The following CCDC61 variants were observed in gnomAD, a reference collection of about 807,000 sequenced individuals.
The protein encoded by CCDC61 is coiled-coil domain containing 61, also known as centrosomal protein CCDC61.
CCDC61 carries 55 observed loss-of-function variants against 63.0 expected under a neutral mutation model. That is an observed-to-expected ratio of 0.87 (90% CI 0.70 to 1.09). CCDC61 has a LOEUF of 1.09. Ranked by LOEUF, CCDC61 falls within the 50% of genes least tolerant of loss-of-function variation. The pLI is 0.00. For synonymous variants in CCDC61, 270 were observed against 317.0 expected, an observed-to-expected ratio of 0.85 and a Z score of 1.58; for missense variants, 651 against 731.4, an observed-to-expected ratio of 0.89 and a Z score of 1.27.
Position 46,002,442 on chromosome 19 carries a change from C to CTT in CCDC61, c.-11-555_-11-554dup, listed in dbSNP as rs57823044. 4.1e-3 allele frequency among the ~76,000 whole-genome samples: 595 copies of CTT among 144,840 alleles called. 1 individual carries two copies. Among genetic ancestry groups the CTT allele is most frequent in the South Asian group, 6.6e-3 (30 of 4,570 alleles). ...TGGCCATCATGTATTTCTTTTCTTT[C>CTT]TTTTTTTTTTTTAACTGAGTCAGGG... On this transcript the variant is annotated intron_variant, in intron 1 of 13. Coordinates refer to ENST00000595358, the MANE Select transcript of CCDC61 (RefSeq NM_001267723.2).
At chr19:46,001,940 T>C (rs1968598578) in intron 1 of CCDC61, among the ~76,000 whole-genome samples, 1 of 152,174 alleles carries the variant, frequency 6.6e-6, no homozygotes, top group Non-Finnish European at 1.5e-5. Context: ...TATTTTCTGA[T>C]ATTAGATTTT....
chr19:46,016,441 C>T lies in CCDC61; in HGVS notation c.1091+48C>T, dbSNP rs200500215. The T allele has an allele frequency of 4.6e-5, 74 of 1,595,648 alleles. No homozygotes were observed. The African/African-American group carries it at 8.4e-4, about 18-fold the overall frequency. ...CCTGCCCCTGTCCCTGGCCCGTGCC[C>T]GCTCCCGGGCTCTCATCTCTCCACG... On this transcript the variant is annotated intron_variant, in intron 9 of 13. Coordinates refer to ENST00000595358, the MANE Select transcript of CCDC61 (RefSeq NM_001267723.2). The surrounding 1 kb of genome is among the most constrained non-coding windows in gnomAD (Gnocchi z 7.2).
At chr19:45,998,603 T>C (rs1968535541) in intron 1 of CCDC61, among the ~76,000 whole-genome samples, 1 of 152,104 alleles carries the variant, frequency 6.6e-6, no homozygotes, top group Non-Finnish European at 1.5e-5. Flanking sequence ...CCCTGGCATC[T>C]CCCGTTAAAT....
chr19:46,003,289 T>TG, intron 2 of CCDC61, 123 bp downstream of exon 2: 1 of 1,426,972 alleles, frequency 7.0e-7, no homozygotes, highest in Non-Finnish European at 9.5e-7. Context: ...CTCTCCAGTG[T>TG]GGGGAGGGGT....
At chr19:46,008,335 T>TGGGGGGGGGGGGGGGGGGGGGGGGG in intron 5 of CCDC61, 34 bp downstream of exon 5, 1 of 499,170 alleles carries the variant, frequency 2.0e-6, no homozygotes, top group Non-Finnish European at 4.0e-6. Flanking sequence ...CTGGGGCGGG[T>TGGGGGGGGGGGGGGGGGGGGGGGGG]GGGGGCCCTC....
chr19:46,007,737 T>C lies in CCDC61; in HGVS notation c.390-403T>C, dbSNP rs143910736. Among the ~76,000 whole-genome samples, 73 of 152,306 alleles carry C rather than the reference T, an allele frequency of 4.8e-4. 1 individual carries two copies. Among genetic ancestry groups the C allele is most frequent in the South Asian group, 3.1e-3 (15 of 4,818 alleles). On this transcript the variant is annotated intron_variant, in intron 4 of 13. Coordinates refer to ENST00000595358, the MANE Select transcript of CCDC61 (RefSeq NM_001267723.2). ...GAATAGCATCTCATGGGGCCGTTAA[T>C]CACAATGGCTCACCTTTCCCCAGCC...
chr19:46,009,205 G>C (rs1036191189), intron 5 of CCDC61, among the ~76,000 whole-genome samples: 3 of 152,112 alleles, frequency 2.0e-5, no homozygotes, highest in African/African-American at 7.2e-5. Context: ...TGTTAGGTGG[G>C]AATGCGGTGA....
chr19:46,002,111 T>C (rs1968601763), intron 1 of CCDC61, among the ~76,000 whole-genome samples: 1 of 151,770 alleles, frequency 6.6e-6, no homozygotes, highest in African/African-American at 2.4e-5. Flanking sequence ...ACCTGGCTAA[T>C]TTTTTTGTAT....
chr19:46,005,512 T>C (rs1968689252), intron 3 of CCDC61, among the ~76,000 whole-genome samples: 1 of 152,242 alleles, frequency 6.6e-6, no homozygotes, highest in South Asian at 2.1e-4. Flanking sequence ...ATTTTCCAAA[T>C]GTTGACACAT....
At chr19:46,010,808 G>C (rs1263983845) in intron 5 of CCDC61, among the ~76,000 whole-genome samples, 1 of 152,174 alleles carries the variant, frequency 6.6e-6, no homozygotes, top group African/African-American at 2.4e-5. Context: ...GCAAATCCCA[G>C]TCTTCGTGTC....
Position 46,016,957 on chromosome 19 carries a change from AGGGCCAGCGG to A in CCDC61, c.1232-33_1232-24del. On this transcript the variant is annotated intron_variant, in intron 10 of 13. Coordinates refer to ENST00000595358, the MANE Select transcript of CCDC61 (RefSeq NM_001267723.2). The surrounding 1 kb of genome is among the most constrained non-coding windows in gnomAD (Gnocchi z 7.2). ...TGGGAAGCACTGGGCGGGGCCAGCG[AGGGCCAGCGG>A]TCACGCCCTCCGTCTCCCTCTAGTG... The A allele has an allele frequency of 6.3e-7, 1 of 1,587,032 alleles. No individual in the cohort carries two copies. The highest frequency in any genetic ancestry group is 8.6e-7 in the Non-Finnish European group (1 of 1,168,444).
intron 4 of CCDC61, 116 bp from the exon 5 acceptor site, chr19:46,008,024 C>G (rs1369500199): frequency 1.8e-6 from 2 of 1,117,494 alleles, no homozygotes; most frequent in African/African-American, 1.6e-5. Flanking sequence ...GCCTCTAGGA[C>G]AGTGCAGTTT....
intron 5 of CCDC61, among the ~76,000 whole-genome samples, chr19:46,012,726 C>T (rs1303746706): frequency 6.6e-6 from 1 of 152,144 alleles, no homozygotes; most frequent in Non-Finnish European, 1.5e-5. Context: ...GAGAGACCCT[C>T]CTGCCCCAAC....
rs573879617 is a variant in CCDC61 at position 45,996,993 on chromosome 19, C to T, written c.-12+1489C>T. 2.6e-5 allele frequency among the ~76,000 whole-genome samples: 4 copies of T among 152,280 alleles called. No homozygotes were observed. The East Asian group carries it at 5.8e-4, about 22-fold the overall frequency. ...CACATTACACTGCAAAAGTCTTCAC[C>T]ATATCCACGAGGCCCCAACCTATTG... is the stretch of plus-strand genomic sequence containing the variant. On this transcript the variant is annotated intron_variant, in intron 1 of 13. Transcript: ENST00000595358.
intron 5 of CCDC61, among the ~76,000 whole-genome samples, chr19:46,008,502 G>T (rs7257591): frequency 0.11 from 16,640 of 152,132 alleles, 974 homozygotes; most frequent in South Asian, 0.19. Flanking sequence ...TCCTTCTCCC[G>T]GGTTCAAGCG....
intron 3 of CCDC61, 28 bp from the exon 4 acceptor site, chr19:46,006,531 G>A: frequency 2.0e-6 from 3 of 1,472,850 alleles, no homozygotes; most frequent in Non-Finnish European, 2.7e-6. Context: ...CGGGTGCTGT[G>A]GCAGCTCCTC....
chr19:46,004,005 C>T (rs1267235107), intron 3 of CCDC61, among the ~76,000 whole-genome samples: 1 of 151,948 alleles, frequency 6.6e-6, no homozygotes, highest in Admixed American at 6.6e-5. Context: ...GTGGCACCAT[C>T]TCAGCTCACT....
chr19:46,016,655 T>C lies in CCDC61; in HGVS notation c.1092-39T>C, dbSNP rs780486515. 2.2e-5 allele frequency: 36 copies of C among 1,608,350 alleles called. No individual in the cohort carries two copies. The highest frequency in any genetic ancestry group is 2.9e-5 in the Non-Finnish European group (34 of 1,177,722). ...GCAGTGACCCCCTTGCCTGCAGGAGTTGGGCGTACAGACCGGCGTCTCCTT... is the reference window on the plus strand; with the variant it reads ...GCAGTGACCCCCTTGCCTGCAGGAGCTGGGCGTACAGACCGGCGTCTCCTT... On this transcript the variant is annotated intron_variant, in intron 9 of 13. Coordinates refer to ENST00000595358, the MANE Select transcript of CCDC61 (RefSeq NM_001267723.2). This position sits in a 1 kb window ranked among gnomAD's most constrained non-coding sequence, Gnocchi z 7.2.
At chr19:46,008,898 G>T (rs1385264360) in intron 5 of CCDC61, among the ~76,000 whole-genome samples, 1 of 152,198 alleles carries the variant, frequency 6.6e-6, no homozygotes, top group African/African-American at 2.4e-5. Flanking sequence ...GGCAAAGGGA[G>T]CAGCATGTGC....
Sources: gnomAD v4.1 joint callset for allele counts (sites outside exome capture counted in the v4.1 genomes callset) on GRCh38, gnomAD v4.1.1 for gene constraint, Gnocchi (gnomAD v3.1) non-coding constraint, MANE v1.5 for transcripts, NCBI Gene and HGNC (gene_info 2026-07-23, HGNC 2026-07-21) for gene names.